The following BFSP1 variants were observed in gnomAD, a reference collection of about 807,000 sequenced individuals.
BFSP1 encodes the protein filensin.
A neutral mutation model predicts 43.9 loss-of-function variants in BFSP1; 38 were observed. That is an observed-to-expected ratio of 0.87 (90% CI 0.67 to 1.14). The LOEUF (loss-of-function observed/expected upper bound fraction) is 1.14. Among genes scored for constraint, BFSP1 ranks in the 50% most tolerant of loss-of-function variants. The pLI is 0.00. For synonymous variants in BFSP1, 352 were observed against 354.8 expected (o/e 0.99, Z 0.09); for missense variants, 850 against 875.1 (o/e 0.97, Z 0.36).
chr20:17,533,502 TC>T (rs1435730298), upstream of BFSP1, among the ~76,000 whole-genome samples: 1 of 152,152 alleles, frequency 6.6e-6, no homozygotes, highest in Non-Finnish European at 1.5e-5. Flanking sequence ...GCTGCTCTGC[TC>T]CCAATGTCCC....
chr20:17,499,033 G>A lies in BFSP1; in HGVS notation c.743C>T (p.Thr248Ile). The A allele has an allele frequency of 6.2e-7, 1 of 1,614,036 alleles. No homozygotes were observed. The highest frequency in any genetic ancestry group is 8.5e-7 in the Non-Finnish European group (1 of 1,179,966). Residue 248 changes from threonine to isoleucine, a missense_variant, in exon 6 of 8, where the codon ACT (threonine) becomes ATT (isoleucine). Thr to Ile is a moderately conservative substitution (Grantham distance 89, BLOSUM62 -1). Coordinates refer to ENST00000377873, the MANE Select transcript of BFSP1 (RefSeq NM_001195.5). ...QRVELQAQTT[T>I]LEQAIKSAHE... The stretch of plus-strand genomic sequence containing the variant: ...GGCACTTTTAATAGCTTGTTCCAGA[G>A]TTGTTGTCTGTGGGCAAGGACACGC...
chr20:17,548,193 A>AG lies in BFSP1; in HGVS notation c.2+10494_2+10495insC, dbSNP rs200368355. On this transcript the variant is annotated intron_variant, in intron 1 of 7. Transcript: ENST00000377868. ...CAGAAAATAATGCAAAAAAAAAAAA[A>AG]AAAAAAGAAAAACCCTCAAAAACGA... Among the ~76,000 whole-genome samples, 459 of 150,940 alleles carry AG rather than the reference A, an allele frequency of 3.0e-3. 2 individuals are homozygous for AG. Among genetic ancestry groups the AG allele is most frequent in the African/African-American group, 0.01 (431 of 41,254 alleles).
At chr20:17,542,360 T>G (rs1028293166) in intron 1 of BFSP1, among the ~76,000 whole-genome samples, 4 of 145,722 alleles carry the variant, frequency 2.7e-5, no homozygotes, top group African/African-American at 5.2e-5. Context: ...GAGGCCGAGA[T>G]AGGAGGACTG....
chr20:17,566,671 T>C (rs1369105455), intron 1 of BFSP1, among the ~76,000 whole-genome samples: 1 of 152,160 alleles, frequency 6.6e-6, no homozygotes, highest in Non-Finnish European at 1.5e-5. Flanking sequence ...CTCTTTTTTT[T>C]TGAGACACAG....
In BFSP1 at chr20:17,506,573, G is replaced by C. The variant is rs527807911; in HGVS notation, c.735+2316C>G. On this transcript the variant is annotated intron_variant, in intron 5 of 7. Coordinates refer to ENST00000377873, the MANE Select transcript of BFSP1 (RefSeq NM_001195.5). ...GGGTCTCATTCTGTTGCCCAGGCTG[G>C]AGTGCAGTGGCTCAGTCTCAGCTCA... is the stretch of plus-strand genomic sequence containing the variant. Among the ~76,000 whole-genome samples, 5 of 150,410 alleles carry C rather than the reference G, an allele frequency of 3.3e-5. No individual in the cohort carries two copies. The East Asian group carries it at 7.8e-4, about 23-fold the overall frequency.
At chr20:17,544,298 T>C (rs62202688) in intron 1 of BFSP1, among the ~76,000 whole-genome samples, 5,698 of 152,284 alleles carry the variant, frequency 0.037, 116 homozygotes, top group Non-Finnish European at 0.042. Flanking sequence ...CTATCCATCA[T>C]TGGTTGAGGG....
At chr20:17,509,647 G>A (rs1482848504) in intron 4 of BFSP1, among the ~76,000 whole-genome samples, 1 of 152,170 alleles carries the variant, frequency 6.6e-6, no homozygotes, top group East Asian at 1.9e-4. Flanking sequence ...GGAAAACCTG[G>A]AATGCACACT....
Position 17,494,756 on chromosome 20 carries a change from T to G in BFSP1, c.1316A>C (p.Lys439Thr), listed in dbSNP as rs750693591. 1 of 1,614,046 alleles carries G rather than the reference T, an allele frequency of 6.2e-7. No homozygotes were observed. The highest frequency in any genetic ancestry group is 2.2e-5 in the East Asian group (1 of 44,878). ...EDVPDGGQIS[K>T]GFGKLYRKVK... is the part of the protein sequence containing the mutation. Reference sequence around the variant, plus strand: ...CTTCCTGTATAGTTTCCCAAAGCCTTTGCTTATCTGCCCTCCATCTGGCAC... The same window carrying G: ...CTTCCTGTATAGTTTCCCAAAGCCTGTGCTTATCTGCCCTCCATCTGGCAC... Residue 439 changes from lysine (K) to threonine (T), a missense_variant, in exon 8 of 8, where the codon AAA (lysine) becomes ACA (threonine). By Grantham distance (78) the Lys-to-Thr change is moderately conservative. Transcript: ENST00000377873.
At chr20:17,547,735 T>C (rs2034826450) in intron 1 of BFSP1, among the ~76,000 whole-genome samples, 1 of 41,250 alleles carries the variant, frequency 2.4e-5, no homozygotes, top group African/African-American at 4.7e-5. Context: ...TTTTTCTTTC[T>C]TTTTTTTTTT....
chr20:17,496,058 A>G (rs2033623634), intron 7 of BFSP1, among the ~76,000 whole-genome samples: 1 of 152,162 alleles, frequency 6.6e-6, no homozygotes, highest in Admixed American at 6.6e-5. Flanking sequence ...CCCAGTGCCA[A>G]AAAAACCCAC....
intron 4 of BFSP1, 138 bp from the exon 5 acceptor site, chr20:17,509,134 G>A: frequency 1.6e-6 from 1 of 615,506 alleles, no homozygotes; most frequent in Non-Finnish European, 2.5e-6. Context: ...CTCCCAAGAT[G>A]AAGGTTTTAG....
At chr20:17,533,490 G>T (rs961463329), upstream of BFSP1, among the ~76,000 whole-genome samples, 2 of 151,976 alleles carry the variant, frequency 1.3e-5, no homozygotes, top group African/African-American at 4.8e-5. Flanking sequence ...CTTTCAGCAG[G>T]GGCTGCTCTG....
At chr20:17,533,153 G>A (rs144016316), upstream of BFSP1, among the ~76,000 whole-genome samples, 1,169 of 152,084 alleles carry the variant, frequency 7.7e-3, 13 homozygotes, top group African/African-American at 0.026. Context: ...AGTTCAAGAC[G>A]AGCCTTGGCA....
At chr20:17,534,284 T>C (rs147053645), upstream of BFSP1, among the ~76,000 whole-genome samples, 683 of 152,292 alleles carry the variant, frequency 4.5e-3, 12 homozygotes, top group East Asian at 0.019. Flanking sequence ...GGACAGGAAA[T>C]GGATGTTTTA....
intron 1 of BFSP1, among the ~76,000 whole-genome samples, chr20:17,555,468 C>A (rs976719563): frequency 6.6e-6 from 1 of 151,230 alleles, no homozygotes; most frequent in Non-Finnish European, 1.5e-5. Context: ...GCCTGACCAA[C>A]ATTGTGATGT....
At position 17,513,469 on chromosome 20, in the gene BFSP1, C is replaced by G. The variant is rs530030380; in HGVS notation, c.534+1252G>C. ...AGCTGCTTCAAAACTGGCCCAGGCA[C>G]TGTTCCCAGGATTCCATCAAGTAGG... On this transcript the variant is annotated intron_variant, in intron 3 of 7. Coordinates refer to ENST00000377873, the MANE Select transcript of BFSP1 (RefSeq NM_001195.5). 3.3e-5 allele frequency among the ~76,000 whole-genome samples: 5 copies of G among 152,302 alleles called. No homozygotes were observed. The South Asian group carries it at 1.0e-3, about 32-fold the overall frequency.
intron 2 of BFSP1, among the ~76,000 whole-genome samples, chr20:17,520,528 C>T (rs2034300887): frequency 6.6e-6 from 1 of 152,228 alleles, no homozygotes; most frequent in East Asian, 1.9e-4. Context: ...TCCTTCAACT[C>T]TGGATGTCAA....
intron 2 of BFSP1, among the ~76,000 whole-genome samples, chr20:17,516,415 T>C (rs894171467): frequency 6.6e-6 from 1 of 152,188 alleles, no homozygotes; most frequent in Admixed American, 6.5e-5. Flanking sequence ...GTAGTAAGAT[T>C]TCTGATTGTC....
chr20:17,511,238 G>T (rs2034071106), intron 4 of BFSP1, among the ~76,000 whole-genome samples: 2 of 152,152 alleles, frequency 1.3e-5, no homozygotes, highest in Admixed American at 6.5e-5. Flanking sequence ...CATAATATCA[G>T]AAGTAATTTT....
Sources: allele counts gnomAD v4.1 joint callset (sites outside exome capture counted in the v4.1 genomes callset), GRCh38; gene constraint gnomAD v4.1.1; transcripts MANE v1.5; gene names NCBI Gene and HGNC (gene_info 2026-07-23, HGNC 2026-07-21).